ABCB5: variants seen among roughly 807,000 people sequenced by gnomAD.
ABCB5 encodes ATP binding cassette subfamily B member 5.
A neutral mutation model predicts 144.2 loss-of-function variants in ABCB5; 155 were observed. That is an observed-to-expected ratio of 1.08 (90% CI 0.94 to 1.23). The LOEUF is 1.23. Among genes scored for constraint, ABCB5 ranks in the 50% most tolerant of loss-of-function variants. The probability of loss-of-function intolerance (pLI) is 0.00; values close to 1 mark genes in which losing one functional copy is unlikely to be tolerated. For synonymous variants in ABCB5, 610 were observed against 528.6 expected, an observed-to-expected ratio of 1.15 and a Z score of -2.11; for missense variants, 1,830 against 1,520.8, an observed-to-expected ratio of 1.20 and a Z score of -3.38.
At chr7:20,707,840 C>T (rs1477600493) in intron 20 of ABCB5, among the ~76,000 whole-genome samples, 1 of 134,512 alleles carries the variant, frequency 7.4e-6, no homozygotes, top group African/African-American at 2.8e-5. Flanking sequence ...GGGTCTCGCT[C>T]TCGCCCAGGC....
chr7:20,720,299 G>C (rs1303958629), intron 20 of ABCB5, among the ~76,000 whole-genome samples: 4 of 152,214 alleles, frequency 2.6e-5, no homozygotes, highest in Non-Finnish European at 4.4e-5. Flanking sequence ...AAAGTCATTA[G>C]TTCATACTAC....
At chr7:20,647,232 G>T in intron 9 of ABCB5, 6 of 1,064,698 alleles carry the variant, frequency 5.6e-6, no homozygotes, top group Non-Finnish European at 6.8e-6. Flanking sequence ...TCAGTTAGCA[G>T]ATTTTTCTGG....
At chr7:20,680,719 TC>T (rs1486106419) in intron 14 of ABCB5, among the ~76,000 whole-genome samples, 1 of 152,170 alleles carries the variant, frequency 6.6e-6, no homozygotes, top group Admixed American at 6.5e-5. Context: ...TGTGCATTTT[TC>T]CATATATTAA....
At chr7:20,692,770 T>C (rs939721509) in intron 16 of ABCB5, among the ~76,000 whole-genome samples, 1 of 152,142 alleles carries the variant, frequency 6.6e-6, no homozygotes. Context: ...CTAAGTGGTA[T>C]ATAACATTGT....
At position 20,745,458 on chromosome 7, in the gene ABCB5, C is replaced by A. The variant is rs760216032; in HGVS notation, c.3429+20C>A. ...CCTGAGGTAAGAAAATTTCTGAAAT[C>A]TTGAATTATAAAGCTGCCAAGTAAG... On this transcript the variant is annotated intron_variant, in intron 26 of 27. Transcript: ENST00000404938. The A allele has an allele frequency of 5.0e-6, 8 of 1,612,678 alleles. No homozygotes were observed. In the African/African-American group the frequency reaches 9.4e-5, roughly 19 times the overall value.
chr7:20,705,437 T>A (rs192313713), intron 20 of ABCB5, among the ~76,000 whole-genome samples: 5 of 152,318 alleles, frequency 3.3e-5, no homozygotes, highest in Admixed American at 3.3e-4. Context: ...TAGTTTTCTT[T>A]TAATTATTTT....
At chr7:20,696,821 T>A (rs1226411406) in intron 16 of ABCB5, among the ~76,000 whole-genome samples, 3 of 152,144 alleles carry the variant, frequency 2.0e-5, no homozygotes, top group Non-Finnish European at 4.4e-5. Flanking sequence ...TTCTTTTCTA[T>A]CTTGACAACA....
chr7:20,677,934 T>C (rs1785668014), intron 14 of ABCB5, among the ~76,000 whole-genome samples: 2 of 152,158 alleles, frequency 1.3e-5, no homozygotes, highest in South Asian at 4.1e-4. Flanking sequence ...ATGTAGAGCC[T>C]CTTCTTCAAA....
intron 5 of ABCB5, among the ~76,000 whole-genome samples, chr7:20,636,060 A>G (rs192201336): frequency 9.8e-5 from 15 of 152,290 alleles, no homozygotes; most frequent in Non-Finnish European, 2.1e-4. Context: ...GGAAAGTTCT[A>G]TTGGATAGTG....
At position 20,722,719 on chromosome 7, in the gene ABCB5, G is replaced by A. The variant is rs1003448439; in HGVS notation, c.2422-297G>A. 4.6e-5 allele frequency among the ~76,000 whole-genome samples: 7 copies of A among 152,088 alleles called. No homozygotes were observed. In the South Asian group the frequency reaches 1.0e-3, roughly 23 times the overall value. ...TGCCTGTAATCCCAGCTGCTCCAGAGGCTGAGGCAAGAGAATCGCTTGAAC... is the reference window on the plus strand; with the variant it reads ...TGCCTGTAATCCCAGCTGCTCCAGAAGCTGAGGCAAGAGAATCGCTTGAAC... On this transcript the variant is annotated intron_variant, in intron 20 of 27. Coordinates refer to ENST00000404938, the MANE Select transcript of ABCB5 (RefSeq NM_001163941.2).
intron 23 of ABCB5, among the ~76,000 whole-genome samples, chr7:20,731,302 G>A (rs182159177): frequency 6.1e-5 from 9 of 146,590 alleles, no homozygotes; most frequent in Admixed American, 4.8e-4. Context: ...GCAGTGAGCC[G>A]AGATCACACC....
chr7:20,742,192 A>G (rs1027854563), intron 24 of ABCB5, among the ~76,000 whole-genome samples: 1 of 152,030 alleles, frequency 6.6e-6, no homozygotes, highest in Admixed American at 6.6e-5. Context: ...TGGGCAACAT[A>G]GTGAAAACCC....
intron 14 of ABCB5, chr7:20,667,699 CT>C (rs1474167500): frequency 2.2e-5 from 3 of 137,882 alleles, no homozygotes; most frequent in African/African-American, 1.0e-4. Context: ...GCCCCTGCCC[CT>C]GCCCCTGCCC....
intron 21 of ABCB5, among the ~76,000 whole-genome samples, chr7:20,725,170 G>A (rs558272900): frequency 6.6e-6 from 1 of 152,038 alleles, no homozygotes; most frequent in African/African-American, 2.4e-5. Flanking sequence ...ATTTCCCTAT[G>A]GCTTTTAATA....
chr7:20,622,569 A>G (rs114416051), intron 1 of ABCB5, among the ~76,000 whole-genome samples: 1,918 of 152,214 alleles, frequency 0.013, 41 homozygotes, highest in African/African-American at 0.044. Context: ...GTCTTTATAT[A>G]GGGTAATATG....
At chr7:20,695,426 T>A (rs1786376714) in intron 16 of ABCB5, among the ~76,000 whole-genome samples, 1 of 151,634 alleles carries the variant, frequency 6.6e-6, no homozygotes, top group Admixed American at 6.6e-5. Context: ...TCAAAATGGA[T>A]TAAAGCCCTT....
At chr7:20,726,008 T>C (rs4721939) in intron 21 of ABCB5, among the ~76,000 whole-genome samples, 114,118 of 152,120 alleles carry the variant, frequency 0.75, 43,313 homozygotes, top group East Asian at 0.92. Context: ...CCACAGTCCA[T>C]TCTGCCAATC....
rs34395637 is a variant in ABCB5, at chr7:20,724,628, CAAAAA to C, written c.2625+1426_2625+1430del. Among the ~76,000 whole-genome samples, 29 of 88,590 alleles carry C rather than the reference CAAAAA, an allele frequency of 3.3e-4. 1 individual carries two copies. In the South Asian group the frequency reaches 0.011, roughly 32 times the overall value. The allele number at this position is 88,590 out of a possible 152,430, so 58.1% of individuals were successfully genotyped here. ...TGGGCGACAGAGCACAGCTCTGTCTCAAAAAAAAAAAAAAAAAAAAAGGGTGTTCC... is the reference window on the plus strand; with the variant it reads ...TGGGCGACAGAGCACAGCTCTGTCTCAAAAAAAAAAAAAAAAGGGTGTTCC... On this transcript the variant is annotated intron_variant, in intron 21 of 27. Transcript: ENST00000404938.
At chr7:20,684,852 G>A (rs916086672) in intron 15 of ABCB5, among the ~76,000 whole-genome samples, 3 of 152,042 alleles carry the variant, frequency 2.0e-5, no homozygotes, top group Admixed American at 6.6e-5. Flanking sequence ...CACCTAAATC[G>A]ACCTACATTT....
Sources: allele counts gnomAD v4.1 joint callset (sites outside exome capture counted in the v4.1 genomes callset), GRCh38; gene constraint gnomAD v4.1.1; transcripts MANE v1.5; gene names NCBI Gene and HGNC (gene_info 2026-07-23, HGNC 2026-07-21).